Variants in ABCA7 observed in about 807,000 individuals in gnomAD.
ABCA7 encodes ATP binding cassette subfamily A member 7.
ABCA7 carries 261 observed loss-of-function variants against 227.6 expected under a neutral mutation model. That is an observed-to-expected ratio of 1.15 (90% CI 1.04 to 1.27). The LOEUF (loss-of-function observed/expected upper bound fraction) is 1.27, where lower values mean the gene tolerates loss of function less well. Ranked by LOEUF, ABCA7 falls within the 50% of genes most tolerant of loss-of-function variation. The probability of loss-of-function intolerance (pLI) is 0.00; values close to 1 mark genes in which losing one functional copy is unlikely to be tolerated. For synonymous variants in ABCA7, 1,488 were observed against 1,279.7 expected (o/e 1.16, Z -3.47); for missense variants, 3,331 against 2,924.5 (o/e 1.14, Z -3.21).
chr19:1,063,738 T>C lies in ABCA7; in HGVS notation c.5848-22T>C, dbSNP rs745387124. ...TGCGACGGAGGCGGGGCCTTGCTTATGGGATCTTCCGTGCTCCCCAGGACG... is the reference window on the plus strand; with the variant it reads ...TGCGACGGAGGCGGGGCCTTGCTTACGGGATCTTCCGTGCTCCCCAGGACG... On this transcript the variant is annotated intron_variant, in intron 43 of 46. Coordinates refer to ENST00000263094, the MANE Select transcript of ABCA7 (RefSeq NM_019112.4). 14 of 1,549,280 alleles carry C rather than the reference T, an allele frequency of 9.0e-6. No homozygotes were observed. The Admixed American group carries it at 2.7e-4, about 30-fold the overall frequency.
chr19:1,046,147 T>C, intron 12 of ABCA7, 83 bp from the exon 13 acceptor site: 1 of 1,478,854 alleles, frequency 6.8e-7, no homozygotes, highest in Non-Finnish European at 9.2e-7. Flanking sequence ...AGCAAGACCC[T>C]GTCTAAGAAA....
chr19:1,062,438 C>A, intron 42 of ABCA7, 125 bp downstream of exon 42: 1 of 1,449,756 alleles, frequency 6.9e-7, no homozygotes, highest in Non-Finnish European at 9.3e-7. Flanking sequence ...TGCCCCCAGA[C>A]CGTGCTTCCT....
chr19:1,044,741 G>C lies in ABCA7; in HGVS notation c.1212G>C (p.Thr404=). The part of the protein sequence containing the change: ...GHLVGTLGRV[T]ECLSLDKLEA... ...TGGTGGGCACGCTGGGCCGAGTGAC[G>C]GAGGTGAGGGCCTGTCCACCTGCGG... The change falls in exon 11 of 47, where the codon ACG becomes ACC. Residue 404 remains threonine, a synonymous_variant. Transcript: ENST00000263094. 2 of 1,603,762 alleles carry C rather than the reference G, an allele frequency of 1.2e-6. No homozygotes were observed. The highest frequency in any genetic ancestry group is 2.7e-5 in the African/African-American group (2 of 74,922).
chr19:1,064,394 G>A (rs2042896151), intron 45 of ABCA7, 141 bp downstream of exon 45: 4 of 1,022,042 alleles, frequency 3.9e-6, no homozygotes, highest in African/African-American at 3.3e-5. Context: ...TTGTCCTGCA[G>A]GGGTGACTGA....
rs781580985 is a variant in ABCA7, at chr19:1,058,863, G to T, written c.5323G>T (p.Asp1775Tyr). The T allele has an allele frequency of 6.3e-7, 1 of 1,579,184 alleles. No homozygotes were observed. The highest frequency in any genetic ancestry group is 8.6e-7 in the Non-Finnish European group (1 of 1,159,390). ...GCCACTCCTGGGAGAGGAGGACGAG[G>T]ATGTAGCCCGTGAACGGGAGCGGGT... ...SLPLLGEEDE[D>Y]VARERERVVQ... The change falls in exon 39 of 47, where the codon GAT becomes TAT. Residue 1775 changes from aspartate (D) to tyrosine (Y), a missense_variant. Coordinates refer to ENST00000263094, the MANE Select transcript of ABCA7 (RefSeq NM_019112.4).
At chr19:1,041,082 C>T (rs1474803614) in intron 1 of ABCA7, 143 bp from the exon 2 acceptor site, 1 of 540,330 alleles carries the variant, frequency 1.9e-6, no homozygotes, top group Non-Finnish European at 3.3e-6. Flanking sequence ...AAGTCCCCAG[C>T]TGTCAGCCCT....
Position 1,051,136 on chromosome 19 carries a change from C to T in ABCA7, c.2685-19C>T, listed in dbSNP as rs776245663. The T allele has an allele frequency of 8.1e-6, 13 of 1,609,184 alleles. No individual in the cohort carries two copies. In the South Asian group the frequency reaches 1.1e-4, roughly 14 times the overall value. On this transcript the variant is annotated intron_variant, in intron 19 of 46. Transcript: ENST00000263094. ...TCTGCCTGCCATGTGGGTCACTCTG[C>T]TCTGTGCACTGGCCGCAGGCTGACC...
Position 1,042,396 on chromosome 19 carries a change from C to A in ABCA7, c.497C>A (p.Thr166Lys). ...GAGCTGCTGACGTCACTGCTGCGCA[C>A]GGTAGGGTGTCGGGGCGGGACCGCG... Reference protein sequence around the residue: ...VAELLTSLLRTESLGLALGQA... With the variant: ...VAELLTSLLRKESLGLALGQA... The change falls in exon 6 of 47, where the codon ACG becomes AAG. Residue 166 changes from threonine (T) to lysine (K), a missense_variant and splice_region_variant. Thr to Lys is a moderately conservative substitution (Grantham distance 78, BLOSUM62 -1). Coordinates refer to ENST00000263094, the MANE Select transcript of ABCA7 (RefSeq NM_019112.4). 1.2e-6 allele frequency: 2 copies of A among 1,610,300 alleles called. No homozygotes were observed. The highest frequency in any genetic ancestry group is 1.3e-5 in the African/African-American group (1 of 75,028).
Position 1,045,045 on chromosome 19 carries a change from C to G in ABCA7, c.1259C>G (p.Ala420Gly). ...CTGGAGGCGGCACCCTCAGAGGCAG[C>G]CCTGGTGTCGCGGGCCCTGCAACTG... ...DKLEAAPSEA[A>G]LVSRALQLLA... The change falls in exon 12 of 47, where the codon GCC (alanine) becomes GGC (glycine). Residue 420 changes from alanine (A) to glycine (G), a missense_variant. Ala to Gly is a moderately conservative substitution (Grantham distance 60, BLOSUM62 0). Coordinates refer to ENST00000263094, the MANE Select transcript of ABCA7 (RefSeq NM_019112.4). 6.2e-7 allele frequency: 1 copy of G among 1,612,874 alleles called. No individual in the cohort carries two copies. The highest frequency in any genetic ancestry group is 1.1e-5 in the South Asian group (1 of 91,080).
chr19:1,053,293 G>T (rs764114015), intron 23 of ABCA7, 36 bp from the exon 24 acceptor site: 1 of 1,585,908 alleles, frequency 6.3e-7, no homozygotes, highest in Non-Finnish European at 8.6e-7. Flanking sequence ...TGGGGCGTGA[G>T]CCGGGGCTCC....
chr19:1,057,836 G>A, intron 35 of ABCA7, 79 bp from the exon 36 acceptor site: 2 of 1,529,886 alleles, frequency 1.3e-6, no homozygotes, highest in Non-Finnish European at 8.9e-7. Flanking sequence ...AGGCAGAGAA[G>A]ATGGGAATGG....
intron 45 of ABCA7, chr19:1,064,655 G>A: frequency 1.8e-6 from 1 of 542,732 alleles, no homozygotes; most frequent in East Asian, 3.3e-5. Flanking sequence ...GTCCGAAAAA[G>A]GAGTCAAGTG....
chr19:1,040,824 C>A (rs1244685755), intron 1 of ABCA7, among the ~76,000 whole-genome samples: 1 of 152,166 alleles, frequency 6.6e-6, no homozygotes, highest in Non-Finnish European at 1.5e-5. Context: ...GCCTCGGTTT[C>A]CACTTCTGTA....
chr19:1,058,793 T>C, intron 38 of ABCA7, 27 bp from the exon 39 acceptor site: 1 of 1,596,784 alleles, frequency 6.3e-7, no homozygotes, highest in Non-Finnish European at 8.5e-7. Context: ...AGGACCTACT[T>C]TAAGCCCACA....
chr19:1,056,070 G>A lies in ABCA7; in HGVS notation c.4243G>A (p.Gly1415Arg), dbSNP rs374185879. 4.5e-5 allele frequency: 72 copies of A among 1,590,992 alleles called. No individual in the cohort carries two copies. The highest frequency in any genetic ancestry group is 9.4e-5 in the African/African-American group (7 of 74,446). ...TKKWVNEVRY[G>R]GFSLGGRDPG... ...CCTGCCTGCATGGCCCCACAGATAC[G>A]GAGGCTTCTCGCTGGGGGGCCGAGA... The change falls in exon 32 of 47, where the codon GGA becomes AGA. Residue 1415 changes from glycine (G) to arginine (R), a missense_variant. Transcript: ENST00000263094. This position sits in a 1 kb window ranked among gnomAD's most constrained non-coding sequence, Gnocchi z 4.3.
At position 1,055,000 on chromosome 19, in the gene ABCA7, G is replaced by T. The variant is rs1324041787; in HGVS notation, c.3951-97G>T. On this transcript the variant is annotated intron_variant, in intron 29 of 46. Transcript: ENST00000263094. This position sits in a 1 kb window ranked among gnomAD's most constrained non-coding sequence, Gnocchi z 4.8. ...CCCTGTGCCCACCTGGGAGCTGGGAGCCTCTGTGGCTCCAGGAACCCCCAG... is the reference window on the plus strand; with the variant it reads ...CCCTGTGCCCACCTGGGAGCTGGGATCCTCTGTGGCTCCAGGAACCCCCAG... The T allele has an allele frequency of 3.3e-6, 5 of 1,530,040 alleles. No individual in the cohort carries two copies. The highest frequency in any genetic ancestry group is 4.4e-6 in the Non-Finnish European group (5 of 1,137,062). 94.8% of individuals were successfully genotyped at this position (1,530,040 alleles called of 1,614,324 possible). A position where few individuals can be genotyped will look rare whatever the true frequency, so the allele number is the denominator to read the frequency against.
chr19:1,059,329 A>C (rs2042501537), intron 40 of ABCA7: 1 of 165,480 alleles, frequency 6.0e-6, no homozygotes, highest in African/African-American at 2.4e-5. Flanking sequence ...CAGTGGTGGG[A>C]TCTCAGCTCA....
chr19:1,049,053 T>C (rs1403114048), intron 17 of ABCA7, 48 bp downstream of exon 17: 2 of 1,090,146 alleles, frequency 1.8e-6, no homozygotes, highest in Admixed American at 2.5e-5. Context: ...TATGCCCAGT[T>C]CCCCCCCAAA....
In ABCA7 at chr19:1,045,161, C is replaced by A; in HGVS notation, c.1375C>A (p.Pro459Thr). The change falls in exon 12 of 47, where the codon CCC (proline) becomes ACC (threonine). Residue 459 changes from proline to threonine, a missense_variant. Pro to Thr is a conservative substitution (Grantham distance 38, BLOSUM62 -1). Coordinates refer to ENST00000263094, the MANE Select transcript of ABCA7 (RefSeq NM_019112.4). ...PTEHPTPDLG[P>T]GHVRIKIRMD... The stretch of plus-strand genomic sequence containing the variant: ...AGAGCACCCAACCCCAGACCTGGGC[C>A]CCGGCCACGTGCGCATCAAAATCCG... The A allele has an allele frequency of 6.2e-7, 1 of 1,612,922 alleles. No individual in the cohort carries two copies. Among genetic ancestry groups the A allele is most frequent in the South Asian group, 1.1e-5 (1 of 91,080 alleles).
Sources: allele counts gnomAD v4.1 joint callset (sites outside exome capture counted in the v4.1 genomes callset), GRCh38; gene constraint gnomAD v4.1.1; non-coding constraint Gnocchi (gnomAD v3.1); transcripts MANE v1.5; gene names NCBI Gene and HGNC (gene_info 2026-07-23, HGNC 2026-07-21).